The following SPAG17 variants were observed in gnomAD, a reference collection of about 807,000 sequenced individuals.
SPAG17 encodes the protein sperm associated antigen 17, also known as sperm-associated antigen 17.
In SPAG17, 169 loss-of-function variants were observed where a neutral mutation model predicts 273.6. That is an observed-to-expected ratio of 0.62 (90% confidence interval 0.55 to 0.70). The LOEUF (loss-of-function observed/expected upper bound fraction) is 0.70. SPAG17 is among the 30% of genes least tolerant of loss of function. The probability of loss-of-function intolerance (pLI) is 0.00; values close to 1 mark genes in which losing one functional copy is unlikely to be tolerated. For synonymous variants in SPAG17, 825 were observed against 873.2 expected (o/e 0.94, Z 0.97); for missense variants, 2,557 against 2,627.8 (o/e 0.97, Z 0.59).
Position 117,963,825 on chromosome 1 carries a change from T to C in SPAG17, c.6646A>G (p.Met2216Val). 1 of 1,613,574 alleles carries C rather than the reference T, an allele frequency of 6.2e-7. No homozygotes were observed. The highest frequency in any genetic ancestry group is 1.7e-5 in the Admixed American group (1 of 59,962). The part of the protein sequence containing the change: ...TIYSSTLGVF[M>V]SRKVSPH ...TAATGTGGAGAAACTTTACGAGACA[T>C]GAAGACTCCAAGTGTGGAGGAATAA... The change falls in exon 48 of 49, where the codon ATG becomes GTG. Residue 2216 changes from methionine to valine, a missense_variant. Met to Val is a conservative substitution (Grantham distance 21). Transcript: ENST00000336338.
chr1:118,089,245 G>T (rs750184973), intron 10 of SPAG17, among the ~76,000 whole-genome samples: 4 of 151,856 alleles, frequency 2.6e-5, no homozygotes, highest in Non-Finnish European at 5.9e-5. Flanking sequence ...AAGAGAGAAA[G>T]CTTTCTAGGC....
At chr1:117,976,431 C>T (rs114504768) in intron 43 of SPAG17, among the ~76,000 whole-genome samples, 120 of 152,284 alleles carry the variant, frequency 7.9e-4, no homozygotes, top group African/African-American at 2.8e-3. Flanking sequence ...AGGATGGCTT[C>T]CCTGTAGGTG....
chr1:118,001,944 T>G (rs1272773298), intron 32 of SPAG17, among the ~76,000 whole-genome samples: 2 of 152,210 alleles, frequency 1.3e-5, no homozygotes, highest in African/African-American at 4.8e-5. Flanking sequence ...TTTCCTGCTT[T>G]CTCTCATGGG....
chr1:118,086,081 A>T lies in SPAG17; in HGVS notation c.1612-9T>A. The T allele has an allele frequency of 1.9e-6, 3 of 1,613,164 alleles. No homozygotes were observed. The highest frequency in any genetic ancestry group is 2.5e-6 in the Non-Finnish European group (3 of 1,179,750). On this transcript the variant is annotated splice_polypyrimidine_tract_variant and intron_variant, in intron 12 of 48. Coordinates refer to ENST00000336338, the MANE Select transcript of SPAG17 (RefSeq NM_206996.4). ...TCAAAATTCTTTTGGTCCTGATGAA[A>T]AAGAGCAACATGACAGAAGACATTA...
At position 117,996,440 on chromosome 1, in the gene SPAG17, T is replaced by G. The variant is rs773376787; in HGVS notation, c.4983A>C (p.Glu1661Asp). 10 of 1,613,054 alleles carry G rather than the reference T, an allele frequency of 6.2e-6. No individual in the cohort carries two copies. The highest frequency in any genetic ancestry group is 8.5e-6 in the Non-Finnish European group (10 of 1,179,432). Residue 1661 changes from glutamate (E) to aspartate (D), a missense_variant, in exon 34 of 49, where the codon GAA becomes GAC. Physicochemically the swap from Glu to Asp is conservative, Grantham distance 45. Coordinates refer to ENST00000336338, the MANE Select transcript of SPAG17 (RefSeq NM_206996.4). ...CTTTATATGCCAAAGATAGATATTCTTCTATGTCACTGTCTCGAAGAAGTT... is the reference window on the plus strand; with the variant it reads ...CTTTATATGCCAAAGATAGATATTCGTCTATGTCACTGTCTCGAAGAAGTT... ...GMELLRDSDI[E>D]EYLSLAYKES...
chr1:118,033,711 T>C (rs1356501979), intron 24 of SPAG17, among the ~76,000 whole-genome samples: 1 of 152,224 alleles, frequency 6.6e-6, no homozygotes, highest in Non-Finnish European at 1.5e-5. Flanking sequence ...CTACCTCCAC[T>C]GCAGCCACAC....
At chr1:117,964,038 A>T (rs1229131870) in intron 47 of SPAG17, 100 bp from the exon 48 acceptor site, 10 of 1,367,700 alleles carry the variant, frequency 7.3e-6, no homozygotes, top group Non-Finnish European at 1.0e-5. Flanking sequence ...CTCTGGCAAC[A>T]TCAGTTCAAT....
At chr1:118,016,530 G>A (rs1336094199) in intron 28 of SPAG17, among the ~76,000 whole-genome samples, 1 of 152,050 alleles carries the variant, frequency 6.6e-6, no homozygotes, top group Non-Finnish European at 1.5e-5. Flanking sequence ...TTTGTATTCT[G>A]GTTTTTAAAG....
chr1:118,133,571 G>A (rs2102303413), intron 3 of SPAG17, among the ~76,000 whole-genome samples: 1 of 152,274 alleles, frequency 6.6e-6, no homozygotes, highest in South Asian at 2.1e-4. Flanking sequence ...TTGGAAATTA[G>A]ATGGTCTCAT....
chr1:118,166,581 T>G (rs1272311310), intron 1 of SPAG17, among the ~76,000 whole-genome samples: 1 of 152,188 alleles, frequency 6.6e-6, no homozygotes, highest in Non-Finnish European at 1.5e-5. Context: ...TTGTCTAATT[T>G]TTTTTTCTAA....
At chr1:118,031,177 CTTTTTTTTTTTTT>C (rs1015324627) in intron 25 of SPAG17, among the ~76,000 whole-genome samples, 6 of 54,926 alleles carry the variant, frequency 1.1e-4, no homozygotes, top group Admixed American at 1.9e-4. Context: ...GAGGACTACT[CTTTTTTTTTTTTT>C]TTTTTTTTTT....
intron 21 of SPAG17, 43 bp from the exon 22 acceptor site, chr1:118,040,884 G>C (rs1276190834): frequency 1.1e-5 from 15 of 1,319,088 alleles, no homozygotes; most frequent in Non-Finnish European, 1.5e-5. Flanking sequence ...AGCTGCAATA[G>C]ACAAAAAATC....
chr1:118,181,433 T>C (rs1660940048), intron 1 of SPAG17, among the ~76,000 whole-genome samples: 1 of 152,040 alleles, frequency 6.6e-6, no homozygotes, highest in South Asian at 2.1e-4. Context: ...ATGCATAGGT[T>C]GAAAGTGAGG....
intron 31 of SPAG17, among the ~76,000 whole-genome samples, chr1:118,007,782 A>G (rs111576365): frequency 6.6e-6 from 1 of 152,208 alleles, no homozygotes; most frequent in African/African-American, 2.4e-5. Flanking sequence ...GAAATCCTCA[A>G]CTAACACATT....
At chr1:118,020,841 A>C (rs1660430253) in intron 28 of SPAG17, among the ~76,000 whole-genome samples, 1 of 152,176 alleles carries the variant, frequency 6.6e-6, no homozygotes, top group Non-Finnish European at 1.5e-5. Flanking sequence ...AATAGAATCA[A>C]AAGAATAGTA....
intron 1 of SPAG17, among the ~76,000 whole-genome samples, chr1:118,157,908 T>C (rs1659730015): frequency 6.6e-6 from 1 of 152,096 alleles, no homozygotes; most frequent in Non-Finnish European, 1.5e-5. Flanking sequence ...CTCTTGTTGG[T>C]CATTAGAACA....
At chr1:118,059,049 T>G (rs1652000534) in intron 18 of SPAG17, among the ~76,000 whole-genome samples, 1 of 152,200 alleles carries the variant, frequency 6.6e-6, no homozygotes, top group Non-Finnish European at 1.5e-5. Flanking sequence ...TTTAATTTTA[T>G]GCCAATAGAC....
At chr1:118,067,049 C>T in intron 17 of SPAG17, 150 bp from the exon 18 acceptor site, 1 of 704,682 alleles carries the variant, frequency 1.4e-6, no homozygotes, top group Non-Finnish European at 2.2e-6. Context: ...TCTTTCCTAG[C>T]TGCTAGAAGG....
intron 48 of SPAG17, chr1:117,955,499 T>C: frequency 1.3e-6 from 1 of 747,888 alleles, no homozygotes; most frequent in Non-Finnish European, 2.0e-6. Context: ...TGGAAAATAA[T>C]TTATAATGTT....
Sources: allele counts gnomAD v4.1 joint callset (sites outside exome capture counted in the v4.1 genomes callset), GRCh38; gene constraint gnomAD v4.1.1; transcripts MANE v1.5; gene names NCBI Gene and HGNC (gene_info 2026-07-23, HGNC 2026-07-21).